CTNNA2: variants seen among roughly 807,000 people sequenced by gnomAD.
CTNNA2 encodes catenin alpha 2.
A neutral mutation model predicts 101.0 loss-of-function variants in CTNNA2; 42 were observed. The observed-to-expected ratio is 0.42, with a 90% confidence interval of 0.32 to 0.54. The LOEUF (loss-of-function observed/expected upper bound fraction) is 0.54, where lower values mean the gene tolerates loss of function less well. Ranked by LOEUF, CTNNA2 falls within the 20% of genes least tolerant of loss-of-function variation. The pLI, the probability that CTNNA2 is intolerant of heterozygous loss-of-function variation, is 0.14. For missense variants in CTNNA2, 871 were observed against 1,223.1 expected (o/e 0.71, Z 4.29); for synonymous variants, 450 against 456.4 (o/e 0.99, Z 0.18).
At chr2:80,333,130 A>G (rs1438588703) in intron 7 of CTNNA2, among the ~76,000 whole-genome samples, 1 of 152,188 alleles carries the variant, frequency 6.6e-6, no homozygotes, top group African/African-American at 2.4e-5. Flanking sequence ...TATTAATATC[A>G]GCCCTTTACA....
intron 7 of CTNNA2, among the ~76,000 whole-genome samples, chr2:80,143,728 G>A (rs1414707803): frequency 6.6e-6 from 1 of 152,138 alleles, no homozygotes; most frequent in Non-Finnish European, 1.5e-5. Context: ...AGCCCTAAGT[G>A]TAACTTGAAA....
At chr2:79,868,651 T>C (rs1474612025) in intron 4 of CTNNA2, among the ~76,000 whole-genome samples, 3 of 152,250 alleles carry the variant, frequency 2.0e-5, no homozygotes. Flanking sequence ...TAATGCCCTT[T>C]AATTTGCCCA....
At chr2:79,673,440 G>C (rs1286208176) in intron 2 of CTNNA2, among the ~76,000 whole-genome samples, 1 of 152,128 alleles carries the variant, frequency 6.6e-6, no homozygotes, top group Non-Finnish European at 1.5e-5. Context: ...AGCTTTGTAG[G>C]AGATCAGGTT....
chr2:80,534,365 G>A (rs1445420320), intron 9 of CTNNA2, among the ~76,000 whole-genome samples: 1 of 152,130 alleles, frequency 6.6e-6, no homozygotes, highest in Non-Finnish European at 1.5e-5. Flanking sequence ...TTGATTAACT[G>A]ATACAGAAAA....
chr2:79,203,533 C>T (rs534223537), intron 2 of CTNNA2, among the ~76,000 whole-genome samples: 1 of 152,270 alleles, frequency 6.6e-6, no homozygotes, highest in South Asian at 2.1e-4. Flanking sequence ...CAGTTACCTG[C>T]ATTTGAAAAA....
intron 12 of CTNNA2, among the ~76,000 whole-genome samples, chr2:80,571,551 T>C (rs2149697236): frequency 6.6e-6 from 1 of 151,560 alleles, no homozygotes; most frequent in Middle Eastern, 3.4e-3. Context: ...TTAGAACATG[T>C]AAGAACATGT....
At chr2:79,265,059 C>T (rs1674971632) in intron 2 of CTNNA2, among the ~76,000 whole-genome samples, 2 of 152,144 alleles carry the variant, frequency 1.3e-5, no homozygotes, top group African/African-American at 4.8e-5. Flanking sequence ...TTTAGCCTCT[C>T]ATCCATATTA....
chr2:80,051,900 T>C (rs1047818549), intron 7 of CTNNA2, among the ~76,000 whole-genome samples: 3 of 152,172 alleles, frequency 2.0e-5, no homozygotes, highest in Non-Finnish European at 2.9e-5. Flanking sequence ...AAAAGTACTC[T>C]CGTCATTTTC....
At chr2:80,169,903 C>A (rs1462648326) in intron 7 of CTNNA2, among the ~76,000 whole-genome samples, 1 of 152,092 alleles carries the variant, frequency 6.6e-6, no homozygotes, top group Non-Finnish European at 1.5e-5. Context: ...ACCTTGGCTT[C>A]TTTATTATTT....
At chr2:80,376,146 TC>T (rs1392189297) in intron 7 of CTNNA2, among the ~76,000 whole-genome samples, 1 of 151,980 alleles carries the variant, frequency 6.6e-6, no homozygotes, top group Non-Finnish European at 1.5e-5. Flanking sequence ...TGATTTTTTT[TC>T]CCCTCAGTTT....
chr2:80,601,193 GTTT>G (rs1697473782), intron 15 of CTNNA2, among the ~76,000 whole-genome samples: 1 of 151,902 alleles, frequency 6.6e-6, no homozygotes, highest in African/African-American at 2.4e-5. Context: ...ATTTCTTTGG[GTTT>G]TTTCTTCTTT....
At chr2:79,731,859 A>T (rs1687219894) in intron 2 of CTNNA2, among the ~76,000 whole-genome samples, 1 of 151,376 alleles carries the variant, frequency 6.6e-6, no homozygotes, top group Admixed American at 6.6e-5. Flanking sequence ...TTACCATCAA[A>T]TGCAGTTTGT....
intron 7 of CTNNA2, among the ~76,000 whole-genome samples, chr2:79,944,075 A>ACTTTCTTT (rs1224205717): frequency 1.3e-5 from 2 of 152,196 alleles, no homozygotes; most frequent in Non-Finnish European, 2.9e-5. Context: ...AAAGAAACAA[A>ACTTTCTTT]TAACTTACAG....
chr2:79,593,960 C>T (rs1459285495), intron 1 of CTNNA2, among the ~76,000 whole-genome samples: 1 of 131,746 alleles, frequency 7.6e-6, no homozygotes, highest in Non-Finnish European at 1.5e-5. Flanking sequence ...GCGATCTCAG[C>T]TCATTGCCAC....
chr2:79,350,073 CAAAAAAAA>C (rs59503765), intron 3 of CTNNA2, among the ~76,000 whole-genome samples: 4 of 57,452 alleles, frequency 7.0e-5, no homozygotes, highest in Admixed American at 4.8e-4. Flanking sequence ...GACTCCTTCT[CAAAAAAAA>C]AAAAAAAAAA....
intron 14 of CTNNA2, among the ~76,000 whole-genome samples, chr2:80,582,307 T>C (rs149395499): frequency 1.3e-5 from 2 of 152,310 alleles, no homozygotes; most frequent in East Asian, 3.9e-4. Flanking sequence ...CCGTATCTTT[T>C]GAAATTGGTT....
At chr2:79,312,675 C>T (rs1676408689) in intron 2 of CTNNA2, 1 of 152,160 alleles carries the variant, frequency 6.6e-6, no homozygotes, top group Admixed American at 6.5e-5. Flanking sequence ...GTTCCACACC[C>T]AGCTTAAATA....
intron 3 of CTNNA2, among the ~76,000 whole-genome samples, chr2:79,831,109 G>C (rs1378865814): frequency 6.6e-6 from 1 of 151,622 alleles, no homozygotes; most frequent in Non-Finnish European, 1.5e-5. Context: ...ACAAACTTCG[G>C]CCAAATTACT....
intron 3 of CTNNA2, among the ~76,000 whole-genome samples, chr2:79,854,888 A>G (rs948133855): frequency 6.6e-6 from 1 of 152,204 alleles, no homozygotes; most frequent in Non-Finnish European, 1.5e-5. Context: ...AATCTTATAG[A>G]AAAAGCACTT....
Sources: allele counts gnomAD v4.1 joint callset (sites outside exome capture counted in the v4.1 genomes callset), GRCh38; gene constraint gnomAD v4.1.1; transcripts MANE v1.5; gene names NCBI Gene and HGNC (gene_info 2026-07-23, HGNC 2026-07-21).